LRRC49: variants seen among roughly 807,000 people sequenced by gnomAD.
LRRC49 encodes the protein leucine-rich repeat-containing protein 49.
A neutral mutation model predicts 83.3 loss-of-function variants in LRRC49; 50 were observed. The observed-to-expected ratio is 0.60, with a 90% CI of 0.48 to 0.76. LRRC49 has a LOEUF of 0.76. LRRC49 is among the 30% of genes least tolerant of loss of function. The probability of loss-of-function intolerance (pLI) is 0.00; values close to 1 mark genes in which losing one functional copy is unlikely to be tolerated. For missense variants in LRRC49, 704 were observed against 809.1 expected, an observed-to-expected ratio of 0.87 and a Z score of 1.58; for synonymous variants, 286 against 283.3, an observed-to-expected ratio of 1.01 and a Z score of -0.10.
chr15:70,974,124 T>C (rs2037117219), intron 9 of LRRC49, among the ~76,000 whole-genome samples: 1 of 151,874 alleles, frequency 6.6e-6, no homozygotes. Flanking sequence ...GGACTCTGTC[T>C]CAAAAAAATA....
chr15:70,898,661 T>G (rs1339855373), intron 3 of LRRC49, among the ~76,000 whole-genome samples: 1 of 152,088 alleles, frequency 6.6e-6, no homozygotes, highest in Non-Finnish European at 1.5e-5. Flanking sequence ...CACATGCCTG[T>G]AGTCCCAGGT....
chr15:70,875,501 G>A (rs143456358), intron 2 of LRRC49, among the ~76,000 whole-genome samples: 156 of 152,114 alleles, frequency 1.0e-3, no homozygotes, highest in South Asian at 5.8e-3. Context: ...ATGAGGGAAC[G>A]GCCCAAAAAG....
intron 1 of LRRC49, chr15:70,858,829 C>A: frequency 1.3e-6 from 1 of 793,168 alleles, no homozygotes; most frequent in Non-Finnish European, 2.2e-6. Context: ...GAGATTCTCC[C>A]GAGTGGGCAG....
intron 8 of LRRC49, among the ~76,000 whole-genome samples, chr15:70,943,250 A>G (rs1168661198): frequency 6.6e-6 from 1 of 152,124 alleles, no homozygotes; most frequent in Non-Finnish European, 1.5e-5. Flanking sequence ...ATCTGTTACC[A>G]GCGGCAAATC....
intron 15 of LRRC49, among the ~76,000 whole-genome samples, chr15:71,040,605 G>C (rs921660476): frequency 2.4e-4 from 36 of 152,130 alleles, no homozygotes; most frequent in African/African-American, 8.2e-4. Context: ...GGATCATGAG[G>C]TTAGGAGATC....
intron 15 of LRRC49, 105 bp from the exon 16 acceptor site, chr15:71,049,304 G>A: frequency 1.4e-6 from 1 of 711,948 alleles, no homozygotes; most frequent in Non-Finnish European, 2.3e-6. Flanking sequence ...GGGAGGAATA[G>A]GGGGTCAGAA....
intron 8 of LRRC49, among the ~76,000 whole-genome samples, chr15:70,940,115 C>T (rs2035754367): frequency 6.6e-6 from 1 of 152,024 alleles, no homozygotes; most frequent in Non-Finnish European, 1.5e-5. Context: ...CTTGATAAGT[C>T]ACCCTATATC....
chr15:70,989,202 A>G (rs1443988374), intron 11 of LRRC49, among the ~76,000 whole-genome samples: 1 of 152,168 alleles, frequency 6.6e-6, no homozygotes, highest in African/African-American at 2.4e-5. Flanking sequence ...GGATTGGGAA[A>G]GTTCTCCTGG....
chr15:71,031,704 C>T (rs1211172011), intron 14 of LRRC49, among the ~76,000 whole-genome samples: 1 of 152,302 alleles, frequency 6.6e-6, no homozygotes, highest in Non-Finnish European at 1.5e-5. Flanking sequence ...TCAGAGATGC[C>T]CTGCCCAGTA....
At chr15:71,049,334 GTGGT>G in intron 15 of LRRC49, 71 bp from the exon 16 acceptor site, 1 of 921,712 alleles carries the variant, frequency 1.1e-6, no homozygotes, top group Non-Finnish European at 1.7e-6. Context: ...TCAATTTTCT[GTGGT>G]TCAGCTAATT....
chr15:71,008,404 G>C lies in LRRC49; in HGVS notation c.1195G>C (p.Ala399Pro). 1 of 1,612,560 alleles carries C rather than the reference G, an allele frequency of 6.2e-7. No homozygotes were observed. The highest frequency in any genetic ancestry group is 8.5e-7 in the Non-Finnish European group (1 of 1,178,922). ...TGPLDSGLNNALQGLSVIDTY... is the reference protein window; with the variant it reads ...TGPLDSGLNNPLQGLSVIDTY... The stretch of plus-strand genomic sequence containing the variant: ...GCCTCTAGACTCAGGACTCAACAAT[G>C]CTTTACAAGGTTTATCTGTCATAGA... Residue 399 changes from alanine (A) to proline (P), a missense_variant, in exon 12 of 16, where the codon GCT becomes CCT. Around this residue, in one of 3 missense-constraint regions of LRRC49, gnomAD observed 168 missense variants for 140.6 expected, o/e 1.20. Transcript: ENST00000260382.
At chr15:70,872,001 G>A (rs958914584) in intron 1 of LRRC49, among the ~76,000 whole-genome samples, 45 of 152,308 alleles carry the variant, frequency 3.0e-4, no homozygotes, top group African/African-American at 6.7e-4. Flanking sequence ...GATGGCGGCC[G>A]GGCAGAGGCT....
At position 70,894,555 on chromosome 15, in the gene LRRC49, T is replaced by C. The variant is rs1039505611; in HGVS notation, c.105+915T>C. 10 of 1,042,646 alleles carry C rather than the reference T, an allele frequency of 9.6e-6. No individual in the cohort carries two copies. In the African/African-American group the frequency reaches 1.7e-4, roughly 18 times the overall value. The allele number at this position is 1,042,646 out of a possible 1,614,324, so 64.6% of individuals were successfully genotyped here. On this transcript the variant is annotated intron_variant, in intron 2 of 15. Transcript: ENST00000260382. ...TTGAGATAAACATGTTTTTCTTTCC[T>C]TTCTGTCTCACCTCAGCATTTATAC... is the stretch of plus-strand genomic sequence containing the variant.
chr15:70,989,208 C>T (rs1169109333), intron 11 of LRRC49, among the ~76,000 whole-genome samples: 2 of 152,152 alleles, frequency 1.3e-5, no homozygotes, highest in Non-Finnish European at 1.5e-5. Context: ...GGAAAGTTCT[C>T]CTGGATAATA....
chr15:70,948,284 C>T (rs1230072755), intron 8 of LRRC49, among the ~76,000 whole-genome samples: 2 of 152,082 alleles, frequency 1.3e-5, no homozygotes, highest in African/African-American at 4.8e-5. Context: ...TATGGATAAG[C>T]ACACACATAC....
At chr15:70,971,963 G>T (rs565883424) in intron 9 of LRRC49, among the ~76,000 whole-genome samples, 4 of 151,878 alleles carry the variant, frequency 2.6e-5, no homozygotes, top group African/African-American at 9.7e-5. Context: ...CTTTTAACTG[G>T]GGCATTTAGC....
At position 70,985,763 on chromosome 15, in the gene LRRC49, G is replaced by A. The variant is rs561609932; in HGVS notation, c.1169+1506G>A. On this transcript the variant is annotated intron_variant, in intron 11 of 15. Transcript: ENST00000260382. ...TCTTCTAGGGTTTTTATGGTTTTAG[G>A]TCTAACATTTAAGTCTTTAATCCAT... Among the ~76,000 whole-genome samples the A allele has an allele frequency of 2.3e-3, 337 of 149,498 alleles. 3 individuals are homozygous for A. The highest frequency in any genetic ancestry group is 8.2e-3 in the African/African-American group (330 of 40,400).
Position 70,892,889 on chromosome 15 carries a change from C to T in LRRC49, c.-6C>T, listed in dbSNP as rs768749610. 6 of 1,614,224 alleles carry T rather than the reference C, an allele frequency of 3.7e-6. No homozygotes were observed. Among genetic ancestry groups the T allele is most frequent in the Admixed American group, 1.7e-5 (1 of 60,028 alleles). On this transcript the variant is annotated 5_prime_UTR_variant, in exon 1 of 16. Coordinates refer to ENST00000260382, the MANE Select transcript of LRRC49 (RefSeq NM_017691.5). The stretch of plus-strand genomic sequence containing the variant: ...ATCTAACAGAGAACCTGGACTGTCT[C>T]CTATCATGATTCCCGGGAAATATCG...
intron 9 of LRRC49, among the ~76,000 whole-genome samples, chr15:70,974,714 G>A (rs1482070517): frequency 8.2e-5 from 12 of 145,940 alleles, no homozygotes; most frequent in African/African-American, 2.5e-4. Context: ...TGTTTTCAAA[G>A]CATTGTAAAA....
Sources: gnomAD v4.1 joint callset for allele counts (sites outside exome capture counted in the v4.1 genomes callset) on GRCh38, gnomAD v4.1.1 for gene constraint, gnomAD v4.1.1 regional missense constraint, MANE v1.5 for transcripts, NCBI Gene and HGNC (gene_info 2026-07-23, HGNC 2026-07-21) for gene names.